The following TUSC3 variants were observed in gnomAD, a reference collection of about 807,000 sequenced individuals.
TUSC3 encodes tumor suppressor candidate 3.
A neutral mutation model predicts 44.8 loss-of-function variants in TUSC3; 45 were observed. The observed-to-expected ratio is 1.00, with a 90% confidence interval of 0.79 to 1.29. The LOEUF is 1.29. Ranked by LOEUF, TUSC3 falls within the 50% of genes most tolerant of loss-of-function variation. The probability of loss-of-function intolerance (pLI) is 0.00; values close to 1 mark genes in which losing one functional copy is unlikely to be tolerated. For synonymous variants in TUSC3, 212 were observed against 152.9 expected (o/e 1.39, Z -2.85); for missense variants, 519 against 437.9 (o/e 1.19, Z -1.65).
chr8:15,665,251 T>C (rs911282497), intron 5 of TUSC3, among the ~76,000 whole-genome samples: 6 of 151,360 alleles, frequency 4.0e-5, no homozygotes, highest in African/African-American at 1.2e-4. Context: ...ACAACTTCCA[T>C]AGAACAAAAA....
At chr8:15,780,836 CTG>C in the TUSC3 span, among the ~76,000 whole-genome samples, 1 of 152,118 alleles carries the variant, frequency 6.6e-6, no homozygotes, top group Non-Finnish European at 1.5e-5. Context: ...GCAGGGGAAA[CTG>C]AGAATATGTA....
At chr8:15,664,770 T>A (rs935699616) in intron 5 of TUSC3, among the ~76,000 whole-genome samples, 2 of 149,470 alleles carry the variant, frequency 1.3e-5, no homozygotes, top group African/African-American at 4.9e-5. Context: ...TTAAATCATT[T>A]AAAAAATGAG....
chr8:15,449,232 C>G (rs1443765268), intron 1 of TUSC3, among the ~76,000 whole-genome samples: 1 of 152,064 alleles, frequency 6.6e-6, no homozygotes, highest in Non-Finnish European at 1.5e-5. Context: ...ATTCAGTAAG[C>G]TATAGGAGGA....
the TUSC3 span, among the ~76,000 whole-genome samples, chr8:15,846,038 G>GATAA: frequency 6.6e-6 from 1 of 152,092 alleles, no homozygotes; most frequent in Admixed American, 6.6e-5. Flanking sequence ...AAACCCATGA[G>GATAA]ATCTCGTGAG....
At chr8:15,443,932 A>G (rs1217180818) in intron 1 of TUSC3, among the ~76,000 whole-genome samples, 1 of 152,008 alleles carries the variant, frequency 6.6e-6, no homozygotes, top group African/African-American at 2.4e-5. Flanking sequence ...ATTCTGCCTA[A>G]CCAATCAGCA....
the TUSC3 span, among the ~76,000 whole-genome samples, chr8:15,830,296 C>T: frequency 2.5e-4 from 38 of 152,086 alleles, no homozygotes; most frequent in African/African-American, 8.7e-4. Flanking sequence ...CTTTAAGTCT[C>T]ATTTTTCTAT....
intron 2 of TUSC3, among the ~76,000 whole-genome samples, chr8:15,624,357 T>C (rs1042435283): frequency 6.6e-6 from 1 of 152,208 alleles, no homozygotes; most frequent in Non-Finnish European, 1.5e-5. Context: ...TTAGGTTGTG[T>C]GGTAGTTTCT....
In TUSC3 at chr8:15,473,831, C is replaced by G. The variant is rs79571954; in HGVS notation, n.92-9555C>G. ...ACTACTGATAAGGGTCTGTGTTCAGCTGTGCACATATTGTCTTGATAAACA... is the reference window on the plus strand; with the variant it reads ...ACTACTGATAAGGGTCTGTGTTCAGGTGTGCACATATTGTCTTGATAAACA... On this transcript the variant is annotated intron_variant and non_coding_transcript_variant, in intron 1 of 5. Coordinates refer to the TUSC3 transcript ENST00000503191. 1.6e-3 allele frequency among the ~76,000 whole-genome samples: 244 copies of G among 152,300 alleles called. 1 individual carries two copies. The highest frequency in any genetic ancestry group is 5.5e-3 in the African/African-American group (227 of 41,562).
intron 2 of TUSC3, among the ~76,000 whole-genome samples, chr8:15,637,526 T>C (rs774998049): frequency 5.3e-5 from 8 of 152,218 alleles, no homozygotes; most frequent in Non-Finnish European, 1.0e-4. Flanking sequence ...TGGAGTATTT[T>C]GTTTCAGTTT....
At chr8:15,748,733 G>C in intron 9 of TUSC3, 1 of 595,426 alleles carries the variant, frequency 1.7e-6, no homozygotes, top group Non-Finnish European at 3.2e-6. Flanking sequence ...CTCATTTTGA[G>C]GACTTGAAAA....
At chr8:15,704,347 C>T (rs1489788144) in intron 6 of TUSC3, among the ~76,000 whole-genome samples, 6 of 148,946 alleles carry the variant, frequency 4.0e-5, no homozygotes, top group South Asian at 2.1e-4. Flanking sequence ...TAGAGTGACA[C>T]GGTGCTGTGC....
rs1416555276 is a variant in TUSC3 at position 15,523,684 on chromosome 8, G to GTA, written n.189+40202_189+40203insAT. 3.5e-4 allele frequency among the ~76,000 whole-genome samples: 14 copies of GTA among 40,558 alleles called. No individual in the cohort carries two copies. In the South Asian group the frequency reaches 8.4e-3, roughly 24 times the overall value. 26.6% of individuals were successfully genotyped at this position (40,558 alleles called of 152,430 possible). On this transcript the variant is annotated intron_variant and non_coding_transcript_variant, in intron 2 of 5. Coordinates refer to the TUSC3 transcript ENST00000503191. ...TATATATGTGTGTGTGTGTGTGTGT[G>GTA]TGTGTGTGTGTGTGTGTGTGTGTGT...
intron 1 of TUSC3, among the ~76,000 whole-genome samples, chr8:15,432,644 AG>A (rs1376388566): frequency 1.3e-5 from 2 of 152,142 alleles, no homozygotes; most frequent in African/African-American, 4.8e-5. Flanking sequence ...TGGTAAGGTC[AG>A]GGAGAGGGAC....
chr8:15,483,935 G>C (rs1352788607), intron 2 of TUSC3, among the ~76,000 whole-genome samples: 1 of 152,032 alleles, frequency 6.6e-6, no homozygotes, highest in Non-Finnish European at 1.5e-5. Flanking sequence ...GGGATTACAG[G>C]CGTGAGCCAC....
the TUSC3 span, among the ~76,000 whole-genome samples, chr8:15,817,764 T>C: frequency 6.6e-6 from 1 of 152,190 alleles, no homozygotes; most frequent in Non-Finnish European, 1.5e-5. Context: ...GGGTATGTCT[T>C]TATTAGCAGT....
intron 3 of TUSC3, among the ~76,000 whole-genome samples, chr8:15,652,152 C>A (rs951704088): frequency 6.6e-6 from 1 of 152,094 alleles, no homozygotes; most frequent in South Asian, 2.1e-4. Flanking sequence ...ATTTAAAATG[C>A]AAAACTTAGT....
At chr8:15,746,605 A>G (rs1811426230) in intron 8 of TUSC3, among the ~76,000 whole-genome samples, 1 of 151,900 alleles carries the variant, frequency 6.6e-6, no homozygotes, top group African/African-American at 2.4e-5. Flanking sequence ...ATTTTGTTCC[A>G]CTGCATAGGA....
chr8:15,811,126 G>GCA, the TUSC3 span, among the ~76,000 whole-genome samples: 6 of 152,158 alleles, frequency 3.9e-5, no homozygotes, highest in Admixed American at 6.5e-5. Flanking sequence ...GAAATGTCGC[G>GCA]TGGTTGTCTT....
At chr8:15,648,625 C>A (rs1260307596) in intron 2 of TUSC3, among the ~76,000 whole-genome samples, 2 of 144,412 alleles carry the variant, frequency 1.4e-5, no homozygotes, top group African/African-American at 5.1e-5. Flanking sequence ...ACTCGGGAGG[C>A]TGAGGCAGGA....
Sources: gnomAD v4.1 joint callset for allele counts (sites outside exome capture counted in the v4.1 genomes callset) on GRCh38, gnomAD v4.1.1 for gene constraint, MANE v1.5 for transcripts, NCBI Gene and HGNC (gene_info 2026-07-23, HGNC 2026-07-21) for gene names.